Variants in SLC14A2 observed in about 807,000 individuals in gnomAD.
SLC14A2 encodes urea transporter 2.
A neutral mutation model predicts 104.6 loss-of-function variants in SLC14A2; 91 were observed. The observed-to-expected ratio is 0.87, with a 90% CI of 0.73 to 1.04. The LOEUF is 1.04. Ranked by LOEUF, SLC14A2 falls within the 50% of genes least tolerant of loss-of-function variation. SLC14A2 has a pLI of 0.00. For synonymous variants in SLC14A2, 476 were observed against 466.4 expected (o/e 1.02, Z -0.27); for missense variants, 1,189 against 1,156.0 (o/e 1.03, Z -0.41).
intron 10 of SLC14A2, 47 bp from the exon 11 acceptor site, chr18:45,663,738 T>G (rs2045967391): frequency 3.1e-6 from 5 of 1,590,146 alleles, no homozygotes; most frequent in Non-Finnish European, 4.3e-6. Flanking sequence ...CTCTCTCAGG[T>G]GCGGACTAGG....
At chr18:45,455,541 G>A (rs1241704040) in intron 1 of SLC14A2, among the ~76,000 whole-genome samples, 2 of 152,100 alleles carry the variant, frequency 1.3e-5, no homozygotes, top group African/African-American at 4.8e-5. Context: ...AATAACTAAT[G>A]TAGGTGATGG....
At chr18:45,373,046 T>C (rs900047340) in intron 1 of SLC14A2, among the ~76,000 whole-genome samples, 2 of 152,196 alleles carry the variant, frequency 1.3e-5, no homozygotes, top group African/African-American at 2.4e-5. Flanking sequence ...AGAACAGCTC[T>C]AGACTACACT....
intron 2 of SLC14A2, among the ~76,000 whole-genome samples, chr18:45,605,130 C>A (rs1412095309): frequency 6.6e-6 from 1 of 152,164 alleles, no homozygotes; most frequent in African/African-American, 2.4e-5. Flanking sequence ...CATGAGCAAC[C>A]ACCAGCATCT....
intron 18 of SLC14A2, among the ~76,000 whole-genome samples, chr18:45,677,375 C>T (rs576338333): frequency 2.6e-5 from 4 of 152,282 alleles, no homozygotes; most frequent in African/African-American, 7.2e-5. Flanking sequence ...CCCCTCTATT[C>T]GGGGGCCTTG....
At chr18:45,526,394 A>G (rs149552078) in intron 2 of SLC14A2, among the ~76,000 whole-genome samples, 39 of 152,354 alleles carry the variant, frequency 2.6e-4, no homozygotes, top group Middle Eastern at 3.4e-3. Context: ...TTCTGAAGGC[A>G]TTAACCAATA....
intron 10 of SLC14A2, 195 bp downstream of exon 10, chr18:45,644,355 C>T (rs1568311567): frequency 1.9e-6 from 1 of 524,322 alleles, no homozygotes; most frequent in Admixed American, 3.2e-5. Flanking sequence ...CCATAACTAT[C>T]TATTGTGCGA....
chr18:45,459,577 C>A (rs1171061049), intron 1 of SLC14A2, among the ~76,000 whole-genome samples: 1 of 152,196 alleles, frequency 6.6e-6, no homozygotes, highest in East Asian at 1.9e-4. Context: ...GGAAGGTGAG[C>A]AGCTGGACTG....
chr18:45,316,646 CT>C (rs1340499938), intron 1 of SLC14A2, among the ~76,000 whole-genome samples: 1 of 152,162 alleles, frequency 6.6e-6, no homozygotes, highest in African/African-American at 2.4e-5. Context: ...TGTGAGAATT[CT>C]GAAGTGAGGT....
intron 2 of SLC14A2, among the ~76,000 whole-genome samples, chr18:45,568,543 A>C (rs2044299749): frequency 6.6e-6 from 1 of 152,202 alleles, no homozygotes; most frequent in East Asian, 1.9e-4. Flanking sequence ...TGTAAGCAAA[A>C]ATGTCATGTC....
At chr18:45,398,823 G>C (rs150672403) in intron 1 of SLC14A2, among the ~76,000 whole-genome samples, 1 of 152,156 alleles carries the variant, frequency 6.6e-6, no homozygotes, top group South Asian at 2.1e-4. Context: ...GAAGCTGGAA[G>C]TGTAGAGAGA....
intron 2 of SLC14A2, among the ~76,000 whole-genome samples, chr18:45,551,308 G>A (rs1180434064): frequency 6.6e-6 from 1 of 152,170 alleles, no homozygotes; most frequent in Non-Finnish European, 1.5e-5. Context: ...CTGCACATGG[G>A]TAAAAATAAT....
chr18:45,633,489 G>C (rs1035388257), intron 5 of SLC14A2, among the ~76,000 whole-genome samples: 1 of 152,222 alleles, frequency 6.6e-6, no homozygotes, highest in African/African-American at 2.4e-5. Flanking sequence ...ACCTAGCGAA[G>C]GGTGTGCTGG....
chr18:45,384,090 G>A (rs930886211), intron 1 of SLC14A2, among the ~76,000 whole-genome samples: 19 of 152,166 alleles, frequency 1.2e-4, no homozygotes, highest in African/African-American at 4.6e-4. Flanking sequence ...GCTAGCATAG[G>A]CACTACACAG....
At chr18:45,432,984 T>A (rs2086540695) in intron 1 of SLC14A2, among the ~76,000 whole-genome samples, 1 of 152,216 alleles carries the variant, frequency 6.6e-6, no homozygotes, top group Admixed American at 6.5e-5. Context: ...ATTTGCTAAC[T>A]GTTTTCTACT....
intron 2 of SLC14A2, among the ~76,000 whole-genome samples, chr18:45,582,069 TAGATGA>T (rs1261093601): frequency 2.0e-5 from 3 of 152,132 alleles, no homozygotes; most frequent in Non-Finnish European, 2.9e-5. Context: ...CAATGAGATA[TAGATGA>T]AAAGAGAAAA....
chr18:45,180,819 T>C, the SLC14A2 span, among the ~76,000 whole-genome samples: 1 of 152,150 alleles, frequency 6.6e-6, no homozygotes, highest in Non-Finnish European at 1.5e-5. Context: ...CTCTGGGACA[T>C]ATAAAATCAA....
At chr18:45,458,437 G>A (rs1035732177) in intron 1 of SLC14A2, among the ~76,000 whole-genome samples, 12 of 152,102 alleles carry the variant, frequency 7.9e-5, no homozygotes, top group African/African-American at 2.7e-4. Context: ...CCCCACACTC[G>A]GGGTAACACT....
intron 1 of SLC14A2, among the ~76,000 whole-genome samples, chr18:45,456,476 G>A (rs751109219): frequency 8.5e-5 from 13 of 152,206 alleles, no homozygotes; most frequent in Non-Finnish European, 1.6e-4. Context: ...TTCCTGTAGA[G>A]GCCTGGGCTC....
At chr18:45,206,890 A>G in the SLC14A2 span, among the ~76,000 whole-genome samples, 1 of 152,202 alleles carries the variant, frequency 6.6e-6, no homozygotes, top group African/African-American at 2.4e-5. Flanking sequence ...CATTGTGGAA[A>G]TAAGGGCCTT....
Sources: gnomAD v4.1 joint callset for allele counts (sites outside exome capture counted in the v4.1 genomes callset) on GRCh38, gnomAD v4.1.1 for gene constraint, MANE v1.5 for transcripts, NCBI Gene and HGNC (gene_info 2026-07-23, HGNC 2026-07-21) for gene names.